The following PCDHA5 variants were observed in gnomAD, a reference collection of about 807,000 sequenced individuals.
The protein encoded by PCDHA5 is protocadherin alpha-5.
A neutral mutation model predicts 61.6 loss-of-function variants in PCDHA5; 43 were observed. The observed-to-expected ratio is 0.70, with a 90% CI of 0.55 to 0.90. PCDHA5 has a LOEUF of 0.90. PCDHA5 is among the 40% of genes least tolerant of loss of function. The probability of loss-of-function intolerance (pLI) is 0.00; values close to 1 mark genes in which losing one functional copy is unlikely to be tolerated. For missense variants in PCDHA5, 1,298 were observed against 1,222.7 expected, an observed-to-expected ratio of 1.06 and a Z score of -0.92; for synonymous variants, 627 against 543.9, an observed-to-expected ratio of 1.15 and a Z score of -2.13.
intron 1 of PCDHA5, chr5:140,843,831 T>C: frequency 8.9e-7 from 1 of 1,120,120 alleles, no homozygotes; most frequent in Non-Finnish European, 1.3e-6. Context: ...TAAACATTGT[T>C]TAGTTTTTAG....
At chr5:140,967,589 T>C (rs782348275) in intron 1 of PCDHA5, 20 of 1,613,912 alleles carry the variant, frequency 1.2e-5, no homozygotes, top group African/African-American at 1.2e-4. Context: ...CCCAGGCACA[T>C]TGGTGGTGAA....
At chr5:140,871,187 T>C in intron 1 of PCDHA5, 1 of 1,613,626 alleles carries the variant, frequency 6.2e-7, no homozygotes, top group Non-Finnish European at 8.5e-7. Flanking sequence ...CTGGTGGATG[T>C]CAACGTGTAC....
chr5:140,863,196 G>A (rs782500346), intron 1 of PCDHA5: 4 of 874,850 alleles, frequency 4.6e-6, no homozygotes, highest in Non-Finnish European at 7.2e-6. Flanking sequence ...TGGTGGCGTC[G>A]CTGGCGGAGA....
At position 140,935,795 on chromosome 5, in the gene PCDHA5, C is replaced by CTT. The variant is rs555560136; in HGVS notation, c.2353-43154_2353-43153insTT. ...GAGTTTTTTCACTTAAAAATATAAA[C>CTT]GAGATTATTTCATAGTAGTATAGTA... On this transcript the variant is annotated intron_variant, in intron 1 of 3. Coordinates refer to ENST00000529859, the MANE Select transcript of PCDHA5 (RefSeq NM_018908.3). 5.4e-3 allele frequency among the ~76,000 whole-genome samples: 824 copies of CTT among 151,876 alleles called. 3 individuals are homozygous for CTT. Among genetic ancestry groups the CTT allele is most frequent in the African/African-American group, 0.019 (793 of 41,436 alleles).
intron 1 of PCDHA5, among the ~76,000 whole-genome samples, chr5:140,922,046 A>C (rs1388720677): frequency 6.6e-6 from 1 of 152,150 alleles, no homozygotes; most frequent in Non-Finnish European, 1.5e-5. Flanking sequence ...TTTCCCACAT[A>C]CCTTCAAAAT....
intron 1 of PCDHA5, among the ~76,000 whole-genome samples, chr5:140,901,760 G>C (rs909858668): frequency 6.6e-6 from 1 of 152,102 alleles, no homozygotes; most frequent in Admixed American, 6.5e-5. Context: ...TTTTGACAGG[G>C]ATTGCATTGA....
At chr5:140,917,170 G>A (rs1196393398) in intron 1 of PCDHA5, among the ~76,000 whole-genome samples, 1 of 152,184 alleles carries the variant, frequency 6.6e-6, no homozygotes, top group African/African-American at 2.4e-5. Context: ...AGGGGTGATG[G>A]TGGTGATCCC....
chr5:140,943,696 A>G (rs2093549628), intron 1 of PCDHA5, among the ~76,000 whole-genome samples: 1 of 152,256 alleles, frequency 6.6e-6, no homozygotes, highest in South Asian at 2.1e-4. Context: ...AGGTCAAAAT[A>G]TTGTGGAACA....
intron 1 of PCDHA5, chr5:140,862,791 G>A (rs782639549): frequency 1.7e-6 from 1 of 578,844 alleles, no homozygotes; most frequent in Non-Finnish European, 3.3e-6. Context: ...TGGACTACGA[G>A]GAGCTGGAGC....
chr5:140,858,019 G>C (rs377389644), intron 1 of PCDHA5: 2 of 1,596,850 alleles, frequency 1.3e-6, no homozygotes, highest in Non-Finnish European at 1.7e-6. Flanking sequence ...GCGAGCCGTC[G>C]CTGACGGCCA....
chr5:140,926,585 G>T, intron 1 of PCDHA5: 1 of 283,896 alleles, frequency 3.5e-6, no homozygotes, highest in Non-Finnish European at 6.5e-6. Flanking sequence ...CACCTCTCGC[G>T]CCCGGGCGGG....
intron 1 of PCDHA5, among the ~76,000 whole-genome samples, chr5:140,921,386 A>C (rs2080192825): frequency 6.6e-6 from 1 of 152,156 alleles, no homozygotes; most frequent in African/African-American, 2.4e-5. Flanking sequence ...ATATTTGATA[A>C]ACATTCACAC....
chr5:140,967,021 C>G, intron 1 of PCDHA5: 2 of 1,607,830 alleles, frequency 1.2e-6, no homozygotes, highest in Non-Finnish European at 1.7e-6. Context: ...TGGGTGCGCC[C>G]AGTCCGCGCT....
chr5:140,836,387 G>T (rs1435398883), intron 1 of PCDHA5: 1 of 1,613,748 alleles, frequency 6.2e-7, no homozygotes, highest in Non-Finnish European at 8.5e-7. Flanking sequence ...TGCTGGTGTC[G>T]CTGGTGGAAA....
At chr5:140,923,266 T>C (rs184590818) in intron 1 of PCDHA5, among the ~76,000 whole-genome samples, 1 of 152,284 alleles carries the variant, frequency 6.6e-6, no homozygotes, top group African/African-American at 2.4e-5. Context: ...TAGTGAGACC[T>C]TGTCTCTACA....
At chr5:140,925,142 C>G (rs2082353538) in intron 1 of PCDHA5, among the ~76,000 whole-genome samples, 1 of 151,570 alleles carries the variant, frequency 6.6e-6, no homozygotes, top group African/African-American at 2.4e-5. Context: ...TTCAAACATA[C>G]ACAAAAGTTG....
chr5:140,983,275 A>C (rs1279699182), intron 3 of PCDHA5, among the ~76,000 whole-genome samples: 1 of 152,230 alleles, frequency 6.6e-6, no homozygotes, highest in Non-Finnish European at 1.5e-5. Flanking sequence ...TGGCTGGGTG[A>C]GTATAGGAAA....
At chr5:140,856,044 A>G (rs782811970) in intron 1 of PCDHA5, 1 of 1,581,666 alleles carries the variant, frequency 6.3e-7, no homozygotes, top group South Asian at 1.1e-5. Context: ...CAAGAGAAGG[A>G]TAAGATGGTT....
rs77078209 is a variant in PCDHA5 at position 140,927,973 on chromosome 5, C to T, written c.2353-50976C>T. ...CGCTGCCCCTGGCACAGTGATTGCT[C>T]TCTTTAGTGTAAAGGATGAAGACCT... On this transcript the variant is annotated intron_variant, in intron 1 of 3. Transcript: ENST00000529859. The T allele has an allele frequency of 1.9e-6, 3 of 1,614,216 alleles. No individual in the cohort carries two copies. The East Asian group carries it at 6.7e-5, about 36-fold the overall frequency.
Sources: allele counts gnomAD v4.1 joint callset (sites outside exome capture counted in the v4.1 genomes callset), GRCh38; gene constraint gnomAD v4.1.1; transcripts MANE v1.5; gene names NCBI Gene and HGNC (gene_info 2026-07-23, HGNC 2026-07-21).